XKR4: variants seen among roughly 807,000 people sequenced by gnomAD.
XKR4 encodes XK related 4.
Under a neutral mutation model 53.9 loss-of-function variants are expected in XKR4, and 12 were observed. The ratio of observed to expected loss-of-function variants is 0.22; its 90% CI spans 0.14 to 0.36. The LOEUF is 0.36. XKR4 is among the 10% of genes least tolerant of loss of function. The pLI is 1.00. For synonymous variants in XKR4, 354 were observed against 362.4 expected, an observed-to-expected ratio of 0.98 and a Z score of 0.26; for missense variants, 799 against 859.5, an observed-to-expected ratio of 0.93 and a Z score of 0.88.
intron 2 of XKR4, among the ~76,000 whole-genome samples, chr8:55,504,252 GC>G (rs913053692): frequency 3.2e-4 from 49 of 151,420 alleles, no homozygotes; most frequent in African/African-American, 1.2e-3. Context: ...TCACTCTGTC[GC>G]CCAGGCTGGA....
intron 1 of XKR4, among the ~76,000 whole-genome samples, chr8:55,263,805 A>G (rs2129371465): frequency 6.6e-6 from 1 of 152,350 alleles, no homozygotes; most frequent in East Asian, 1.9e-4. Flanking sequence ...ACTAAAACAC[A>G]GCACTTGGCT....
chr8:55,348,182 C>A (rs1803675549), intron 1 of XKR4, among the ~76,000 whole-genome samples: 1 of 152,126 alleles, frequency 6.6e-6, no homozygotes. Context: ...GGATAACATG[C>A]CTAGAGAAAA....
intron 2 of XKR4, chr8:55,454,604 A>C: frequency 1.5e-6 from 2 of 1,366,300 alleles, no homozygotes. Context: ...CCAGCCCCCA[A>C]ATAAATCGTC....
At chr8:55,451,112 G>C in intron 2 of XKR4, 1 of 518,204 alleles carries the variant, frequency 1.9e-6, no homozygotes, top group Non-Finnish European at 3.5e-6. Flanking sequence ...CTTTGTCCCC[G>C]AGGATGTAGA....
At chr8:55,401,099 C>T (rs1015268081) in intron 2 of XKR4, among the ~76,000 whole-genome samples, 25 of 152,224 alleles carry the variant, frequency 1.6e-4, no homozygotes, top group African/African-American at 5.8e-4. Context: ...GTATCTGGGT[C>T]AGTAACCGTG....
chr8:55,304,373 A>G (rs1481317905), intron 1 of XKR4, among the ~76,000 whole-genome samples: 1 of 152,032 alleles, frequency 6.6e-6, no homozygotes, highest in East Asian at 1.9e-4. Context: ...AGTTTGTTAT[A>G]ATTTGTGTTC....
At chr8:55,417,066 C>T (rs899721859) in intron 2 of XKR4, among the ~76,000 whole-genome samples, 1 of 152,142 alleles carries the variant, frequency 6.6e-6, no homozygotes, top group Non-Finnish European at 1.5e-5. Context: ...AAGGTGGGAG[C>T]CAGGCATCAG....
chr8:55,118,550 A>G (rs1193789590), intron 1 of XKR4, among the ~76,000 whole-genome samples: 1 of 152,250 alleles, frequency 6.6e-6, no homozygotes, highest in African/African-American at 2.4e-5. Flanking sequence ...GGCAAGTGCT[A>G]GAAGATTCAT....
chr8:55,121,625 C>T (rs993686649), intron 1 of XKR4, among the ~76,000 whole-genome samples: 2 of 152,086 alleles, frequency 1.3e-5, no homozygotes, highest in Admixed American at 6.5e-5. Context: ...TTCTGCTGGA[C>T]ATGTAGACAT....
chr8:55,530,141 GAAGAAGGAAGGAAGGA>G lies in XKR4; in HGVS notation c.*5916_*5931del, dbSNP rs1035901295. On this transcript the variant is annotated 3_prime_UTR_variant, in exon 3 of 3. Transcript: ENST00000327381. Reference sequence around the variant, plus strand: ...AGAGGGAGGGAGAGAGGGAGGGAAGGAAGAAGGAAGGAAGGAAGGAAGGAAGGAAGGAAGGAAGGAA... The same window carrying G: ...AGAGGGAGGGAGAGAGGGAGGGAAGGAGGAAGGAAGGAAGGAAGGAAGGAA... 2 of 140,974 alleles carry G rather than the reference GAAGAAGGAAGGAAGGA, an allele frequency of 1.4e-5. No homozygotes were observed. The highest frequency in any genetic ancestry group is 2.7e-5 in the African/African-American group (1 of 37,664). The allele number at this position is 140,974 out of a possible 1,614,324, so 8.7% of individuals were successfully genotyped here.
At chr8:55,325,209 A>G (rs1412831622) in intron 1 of XKR4, among the ~76,000 whole-genome samples, 1 of 152,210 alleles carries the variant, frequency 6.6e-6, no homozygotes, top group Non-Finnish European at 1.5e-5. Context: ...GACCATTTGG[A>G]AGATGTTAGT....
At chr8:55,217,238 TCTC>T (rs1817814878) in intron 1 of XKR4, among the ~76,000 whole-genome samples, 1 of 39,852 alleles carries the variant, frequency 2.5e-5, no homozygotes. Context: ...CGAGACTCTG[TCTC>T]AAAAAAAAAA....
chr8:55,491,365 C>A (rs60598558), intron 2 of XKR4, among the ~76,000 whole-genome samples: 7,194 of 152,132 alleles, frequency 0.047, 553 homozygotes, highest in East Asian at 0.27. Context: ...TTACATTGTC[C>A]ATGATTTTTT....
At chr8:55,495,914 G>GTA (rs367852695) in intron 2 of XKR4, among the ~76,000 whole-genome samples, 170 of 152,344 alleles carry the variant, frequency 1.1e-3, no homozygotes, top group Non-Finnish European at 2.1e-3. Flanking sequence ...TTTACCAAAT[G>GTA]TATATATTCA....
At chr8:55,348,710 A>C (rs967066307) in intron 1 of XKR4, among the ~76,000 whole-genome samples, 1 of 152,048 alleles carries the variant, frequency 6.6e-6, no homozygotes, top group Non-Finnish European at 1.5e-5. Flanking sequence ...ACACACACAC[A>C]CACACACACA....
chr8:55,352,121 T>C (rs754190384), intron 1 of XKR4, among the ~76,000 whole-genome samples: 9 of 152,236 alleles, frequency 5.9e-5, no homozygotes, highest in Admixed American at 1.3e-4. Flanking sequence ...AATAATGTTA[T>C]TTTTCCCTAG....
chr8:55,508,855 G>A (rs1389417718), intron 2 of XKR4, among the ~76,000 whole-genome samples: 1 of 152,234 alleles, frequency 6.6e-6, no homozygotes, highest in Non-Finnish European at 1.5e-5. Context: ...TCAGGCTACA[G>A]ACTGCCTGGG....
At chr8:55,110,143 T>C (rs1452044100) in intron 1 of XKR4, among the ~76,000 whole-genome samples, 1 of 152,206 alleles carries the variant, frequency 6.6e-6, no homozygotes, top group Admixed American at 6.5e-5. Flanking sequence ...AGGCTCAGTA[T>C]GGTGCTAGTC....
At chr8:55,223,649 C>T (rs1732020830) in intron 1 of XKR4, among the ~76,000 whole-genome samples, 1 of 152,150 alleles carries the variant, frequency 6.6e-6, no homozygotes, top group Non-Finnish European at 1.5e-5. Context: ...TATGATTGCT[C>T]ACCTTCACTG....
Sources: allele counts gnomAD v4.1 joint callset (sites outside exome capture counted in the v4.1 genomes callset), GRCh38; gene constraint gnomAD v4.1.1; transcripts MANE v1.5; gene names NCBI Gene and HGNC (gene_info 2026-07-23, HGNC 2026-07-21).